Variants in GUCY2F observed in about 807,000 individuals in gnomAD.
GUCY2F encodes retinal guanylyl cyclase 2.
Under a neutral mutation model 73.1 loss-of-function variants are expected in GUCY2F, and 61 were observed. That is an observed-to-expected ratio of 0.83 (90% confidence interval 0.68 to 1.03). GUCY2F has a LOEUF of 1.03. GUCY2F is among the 50% of genes least tolerant of loss of function. The probability of loss-of-function intolerance (pLI) is 0.00; values close to 1 mark genes in which losing one functional copy is unlikely to be tolerated. For missense variants in GUCY2F, 912 were observed against 854.3 expected (o/e 1.07, Z -0.84); for synonymous variants, 331 against 307.8 (o/e 1.08, Z -0.79).
intron 17 of GUCY2F, 138 bp downstream of exon 17, chrX:109,381,980 C>A: frequency 2.5e-6 from 1 of 399,046 alleles, no homozygotes; most frequent in South Asian, 6.1e-5. Context: ...TTTGGGAACC[C>A]CAAATGGGGC....
intron 2 of GUCY2F, among the ~76,000 whole-genome samples, chrX:109,465,781 C>T (rs1378162594): frequency 8.9e-6 from 1 of 112,042 alleles, no homozygotes; most frequent in Non-Finnish European, 1.9e-5. Flanking sequence ...TAACTGTGTA[C>T]CCTTTTTTAA....
intron 8 of GUCY2F, among the ~76,000 whole-genome samples, chrX:109,413,051 T>C (rs749994443): frequency 1.8e-5 from 2 of 112,364 alleles, no homozygotes; most frequent in Non-Finnish European, 3.8e-5. Context: ...ATTACATATT[T>C]GAAGGTCTAT....
At chrX:109,417,320 T>C (rs759996689) in intron 8 of GUCY2F, among the ~76,000 whole-genome samples, 19 of 111,527 alleles carry the variant, frequency 1.7e-4, no homozygotes, top group Non-Finnish European at 2.8e-4. Flanking sequence ...TAGGTATACA[T>C]ATGATAACAA....
Position 109,376,151 on chromosome X carries a change from TCCTCTGTGCCTTTGC to T in GUCY2F, c.3152_3166del (p.Gly1051_Glu1055del). ...TTTTTTCCCAATCAGCCAGAAGGTT[TCCTCTGTGCCTTTGC>T]CCTTATTATAGAAAACATAAAAAAT... On this transcript the variant is annotated inframe_deletion and splice_region_variant, in exon 18 of 20. Transcript: ENST00000218006. 2.5e-6 allele frequency: 3 copies of T among 1,190,716 alleles called. No individual in the cohort carries two copies. Among genetic ancestry groups the T allele is most frequent in the Non-Finnish European group, 2.3e-6 (2 of 876,347 alleles).
chrX:109,400,105 A>T (rs994054923), intron 10 of GUCY2F, among the ~76,000 whole-genome samples: 2 of 109,548 alleles, frequency 1.8e-5, no homozygotes, highest in Non-Finnish European at 3.8e-5. Context: ...GTTTGGGAAG[A>T]TTAATCTGGC....
chrX:109,447,459 G>A (rs1932041125), intron 6 of GUCY2F, among the ~76,000 whole-genome samples: 1 of 110,447 alleles, frequency 9.1e-6, no homozygotes, highest in South Asian at 3.9e-4. Context: ...AAAATGATGA[G>A]TTCATGTCCT....
intron 7 of GUCY2F, among the ~76,000 whole-genome samples, chrX:109,432,687 C>T (rs746227610): frequency 8.9e-6 from 1 of 112,150 alleles, no homozygotes; most frequent in South Asian, 3.8e-4. Context: ...CATACAAGTA[C>T]CATACTCTCA....
At chrX:109,442,000 G>C (rs1243792628) in intron 6 of GUCY2F, among the ~76,000 whole-genome samples, 1 of 111,340 alleles carries the variant, frequency 9.0e-6, no homozygotes, top group African/African-American at 3.3e-5. Context: ...GTGCAGATAA[G>C]ATTAACGGCA....
At chrX:109,439,927 T>G (rs1026719095) in intron 7 of GUCY2F, among the ~76,000 whole-genome samples, 1 of 111,522 alleles carries the variant, frequency 9.0e-6, no homozygotes, top group Non-Finnish European at 1.9e-5. Flanking sequence ...GAATTTCCCT[T>G]AGCACTCCAC....
chrX:109,462,306 C>A (rs1932378834), intron 3 of GUCY2F, among the ~76,000 whole-genome samples: 1 of 113,145 alleles, frequency 8.8e-6, no homozygotes, highest in Non-Finnish European at 1.9e-5. Context: ...GCTTAACATG[C>A]AGTTTCTGCT....
intron 3 of GUCY2F, among the ~76,000 whole-genome samples, chrX:109,459,840 A>C (rs1932328765): frequency 8.9e-6 from 1 of 111,755 alleles, no homozygotes; most frequent in Non-Finnish European, 1.9e-5. Context: ...ATCTGCAGAC[A>C]TCTAAGGAAA....
At position 109,382,136 on chromosome X, in the gene GUCY2F, T is replaced by G; in HGVS notation, c.3132A>C (p.Arg1044=). Residue 1044 remains arginine, a synonymous_variant, in exon 17 of 20, where the codon CGA becomes CGC. Transcript: ENST00000218006. ...ATTATACCTTGAGCTCTGTTCTTCCTCGAAGCTCCACTTCATAGCCCTCAC... is the reference window on the plus strand; with the variant it reads ...ATTATACCTTGAGCTCTGTTCTTCCGCGAAGCTCCACTTCATAGCCCTCAC... ...NLSEGYEVEL[R]GRTELKGKGT... 2.6e-6 allele frequency: 3 copies of G among 1,173,345 alleles called. No individual in the cohort carries two copies. The highest frequency in any genetic ancestry group is 3.5e-6 in the Non-Finnish European group (3 of 860,639).
intron 2 of GUCY2F, among the ~76,000 whole-genome samples, chrX:109,468,546 G>A (rs1932514400): frequency 9.0e-6 from 1 of 111,474 alleles, no homozygotes; most frequent in Non-Finnish European, 1.9e-5. Flanking sequence ...CATGCCTGTT[G>A]TTCATGCCTA....
chrX:109,385,111 C>T (rs1930405435), intron 16 of GUCY2F, 73 bp downstream of exon 16: 1 of 506,354 alleles, frequency 2.0e-6, no homozygotes, highest in Non-Finnish European at 3.4e-6. Flanking sequence ...CTCTCTTTCA[C>T]CTCTCTGAAG....
At chrX:109,398,487 A>G in intron 11 of GUCY2F, 62 bp downstream of exon 11, 1 of 1,022,578 alleles carries the variant, frequency 9.8e-7, no homozygotes, top group South Asian at 2.2e-5. Flanking sequence ...TGACAGCCTG[A>G]GTTGGTCTGA....
intron 8 of GUCY2F, among the ~76,000 whole-genome samples, chrX:109,413,118 G>T (rs1446435876): frequency 8.9e-6 from 1 of 112,332 alleles, no homozygotes; most frequent in Non-Finnish European, 1.9e-5. Flanking sequence ...ATTCTGTCTA[G>T]ATCTTTGATA....
intron 6 of GUCY2F, among the ~76,000 whole-genome samples, chrX:109,445,212 A>G (rs1326971732): frequency 8.9e-6 from 1 of 112,145 alleles, no homozygotes; most frequent in African/African-American, 3.2e-5. Context: ...TTACATTACA[A>G]TCACAACCAG....
intron 6 of GUCY2F, among the ~76,000 whole-genome samples, chrX:109,447,549 C>G (rs5943359): frequency 0.27 from 27,766 of 102,251 alleles, 3,649 homozygotes; most frequent in Non-Finnish European, 0.38. Flanking sequence ...ATGGCATGTT[C>G]TCACTCATAG....
intron 8 of GUCY2F, among the ~76,000 whole-genome samples, chrX:109,414,173 T>G (rs1931183690): frequency 9.0e-6 from 1 of 111,168 alleles, no homozygotes; most frequent in African/African-American, 3.3e-5. Context: ...GGTTTCACCA[T>G]GTTGGCCAGG....
Sources: gnomAD v4.1 joint callset for allele counts (sites outside exome capture counted in the v4.1 genomes callset) on GRCh38, gnomAD v4.1.1 for gene constraint, MANE v1.5 for transcripts, NCBI Gene and HGNC (gene_info 2026-07-23, HGNC 2026-07-21) for gene names.